The following FRMD6 variants were observed in gnomAD, a reference collection of about 807,000 sequenced individuals.
FRMD6 encodes the protein FERM domain containing 6, also known as FERM domain-containing protein 6.
In FRMD6, 37 loss-of-function variants were observed where a neutral mutation model predicts 73.2. That is an observed-to-expected ratio of 0.51 (90% CI 0.39 to 0.66). The LOEUF (loss-of-function observed/expected upper bound fraction) is 0.66. Ranked by LOEUF, FRMD6 falls within the 30% of genes least tolerant of loss-of-function variation. FRMD6 has a pLI of 0.00. For synonymous variants in FRMD6, 273 were observed against 282.2 expected, an observed-to-expected ratio of 0.97 and a Z score of 0.33; for missense variants, 714 against 780.5, an observed-to-expected ratio of 0.91 and a Z score of 1.02.
chr14:51,633,807 TACAATACTTC>T (rs1566515501), intron 2 of FRMD6, among the ~76,000 whole-genome samples: 1 of 151,996 alleles, frequency 6.6e-6, no homozygotes, highest in African/African-American at 2.4e-5. Flanking sequence ...TAAAGTTACG[TACAATACTTC>T]ACATACTAAA....
At chr14:51,422,778 C>A in the FRMD6 span, among the ~76,000 whole-genome samples, 1 of 152,166 alleles carries the variant, frequency 6.6e-6, no homozygotes, top group African/African-American at 2.4e-5. Context: ...ACAGGTGGGT[C>A]AACACCCTTT....
At chr14:51,586,537 C>T (rs1177744558) in intron 2 of FRMD6, among the ~76,000 whole-genome samples, 1 of 152,050 alleles carries the variant, frequency 6.6e-6, no homozygotes, top group African/African-American at 2.4e-5. Flanking sequence ...CGTCTACTCT[C>T]TTGATTGTTT....
chr14:51,540,259 C>T (rs188142892), intron 1 of FRMD6, among the ~76,000 whole-genome samples: 442 of 152,202 alleles, frequency 2.9e-3, no homozygotes, highest in Non-Finnish European at 3.9e-3. Flanking sequence ...AAACTTTCTG[C>T]CCTATTCTTG....
At chr14:51,543,268 T>A (rs563071581) in intron 1 of FRMD6, among the ~76,000 whole-genome samples, 22 of 152,108 alleles carry the variant, frequency 1.4e-4, no homozygotes, top group Admixed American at 7.2e-4. Context: ...GGTGTATATA[T>A]GTAAGAGTAT....
chr14:51,434,251 C>A, the FRMD6 span, among the ~76,000 whole-genome samples: 5 of 152,046 alleles, frequency 3.3e-5, no homozygotes, highest in Non-Finnish European at 7.4e-5. Flanking sequence ...TTTTCTATAC[C>A]TCATGACATC....
intron 2 of FRMD6, among the ~76,000 whole-genome samples, chr14:51,692,571 A>G (rs1367119714): frequency 6.6e-6 from 1 of 152,180 alleles, no homozygotes. Flanking sequence ...AGTGAAGAAT[A>G]CTGAAAGCTG....
chr14:51,549,753 G>A (rs1325088091), intron 1 of FRMD6, among the ~76,000 whole-genome samples: 1 of 151,684 alleles, frequency 6.6e-6, no homozygotes, highest in Non-Finnish European at 1.5e-5. Context: ...CCGCCGCCTC[G>A]CCCGGCTAGT....
At chr14:51,416,870 G>A in the FRMD6 span, among the ~76,000 whole-genome samples, 10 of 152,138 alleles carry the variant, frequency 6.6e-5, no homozygotes, top group Admixed American at 6.5e-4. Context: ...AGGATAGTTA[G>A]CTCTTCTTGT....
intron 6 of FRMD6, among the ~76,000 whole-genome samples, chr14:51,705,225 T>G (rs1371389993): frequency 1.3e-5 from 2 of 152,106 alleles, no homozygotes; most frequent in African/African-American, 2.4e-5. Context: ...TCTTGCCTAC[T>G]CTTACCGAAG....
intron 11 of FRMD6, among the ~76,000 whole-genome samples, chr14:51,720,965 C>G (rs1897526923): frequency 6.6e-6 from 1 of 152,182 alleles, no homozygotes; most frequent in Admixed American, 6.5e-5. Context: ...TTGTGTCCCT[C>G]TTTTATATTA....
chr14:51,595,963 G>A (rs1174375860), intron 2 of FRMD6, among the ~76,000 whole-genome samples: 1 of 152,192 alleles, frequency 6.6e-6, no homozygotes, highest in East Asian at 1.9e-4. Context: ...TTTGGTTTGT[G>A]CTTATGGAAA....
the FRMD6 span, among the ~76,000 whole-genome samples, chr14:51,447,703 A>G: frequency 6.6e-6 from 1 of 152,148 alleles, no homozygotes; most frequent in African/African-American, 2.4e-5. Flanking sequence ...TTCCTCATTT[A>G]AACAAAGGGA....
chr14:51,405,950 G>C, the FRMD6 span, among the ~76,000 whole-genome samples: 1 of 152,100 alleles, frequency 6.6e-6, no homozygotes, highest in African/African-American at 2.4e-5. Context: ...TGTCTTCCAG[G>C]GTTTTTACAG....
chr14:51,512,493 G>A (rs1267274216), intron 1 of FRMD6, among the ~76,000 whole-genome samples: 4 of 152,288 alleles, frequency 2.6e-5, no homozygotes, highest in South Asian at 2.1e-4. Context: ...CAGGGACAAC[G>A]TCTTGTCATC....
rs1260817391 is a variant in FRMD6 at position 51,590,142 on chromosome 14, CTAAAAATATAGA to C, written c.-147+19733_-147+19744del. On this transcript the variant is annotated intron_variant, in intron 2 of 14. Coordinates refer to the FRMD6 transcript ENST00000356218. ...GTTAATGTTGGATTTCTCACCTTGT[CTAAAAATATAGA>C]AAAAAATAGGTTTGTAATTCCCAAT... 4.0e-5 allele frequency among the ~76,000 whole-genome samples: 6 copies of C among 149,802 alleles called. No individual in the cohort carries two copies. In the East Asian group the frequency reaches 1.2e-3, roughly 29 times the overall value.
Position 51,704,738 on chromosome 14 carries a change from T to G in FRMD6, c.372-11T>G. On this transcript the variant is annotated splice_polypyrimidine_tract_variant and intron_variant, in intron 5 of 13. Coordinates refer to ENST00000344768, the MANE Select transcript of FRMD6 (RefSeq NM_001267046.2). ...TCAAAATGTGAGTTCTGTTTTCTTT[T>G]ATTTTTCTAGTGACAGAGCAGCAAG... 1 of 1,599,326 alleles carries G rather than the reference T, an allele frequency of 6.3e-7. No individual in the cohort carries two copies. The highest frequency in any genetic ancestry group is 1.3e-5 in the African/African-American group (1 of 74,348).
At chr14:51,402,873 C>T in the FRMD6 span, among the ~76,000 whole-genome samples, 1 of 152,126 alleles carries the variant, frequency 6.6e-6, no homozygotes, top group African/African-American at 2.4e-5. Context: ...CTCCTAACCT[C>T]ATGATTCGTC....
the FRMD6 span, among the ~76,000 whole-genome samples, chr14:51,401,597 C>T: frequency 6.6e-6 from 1 of 152,122 alleles, no homozygotes. Context: ...AAGCTCAGGC[C>T]AAAAGTAAAA....
the FRMD6 span, chr14:51,436,577 A>G: frequency 4.8e-6 from 3 of 629,052 alleles, no homozygotes; most frequent in Non-Finnish European, 8.2e-6. Context: ...ATTTGACAAA[A>G]CATTCAAGTT....
Sources: allele counts gnomAD v4.1 joint callset (sites outside exome capture counted in the v4.1 genomes callset), GRCh38; gene constraint gnomAD v4.1.1; transcripts MANE v1.5; gene names NCBI Gene and HGNC (gene_info 2026-07-23, HGNC 2026-07-21).